The following DNER variants were observed in gnomAD, a reference collection of about 807,000 sequenced individuals.
DNER encodes the protein delta/notch like EGF repeat containing.
DNER carries 33 observed loss-of-function variants against 78.2 expected under a neutral mutation model. That is an observed-to-expected ratio of 0.42 (90% CI 0.32 to 0.56). DNER has a LOEUF of 0.56. Among genes scored for constraint, DNER ranks in the 20% least tolerant of loss-of-function variants. The pLI is 0.11. For synonymous variants in DNER, 417 were observed against 384.8 expected (o/e 1.08, Z -0.98); for missense variants, 918 against 975.3 (o/e 0.94, Z 0.78).
intron 7 of DNER, among the ~76,000 whole-genome samples, chr2:229,457,925 G>A (rs1240528436): frequency 6.6e-6 from 1 of 151,478 alleles, no homozygotes; most frequent in Non-Finnish European, 1.5e-5. Flanking sequence ...ATCACGAGGT[G>A]AGGAGTTCGA....
intron 7 of DNER, among the ~76,000 whole-genome samples, chr2:229,454,116 C>T (rs1294336342): frequency 6.6e-6 from 1 of 152,062 alleles, no homozygotes; most frequent in East Asian, 1.9e-4. Context: ...CCATTCTAGA[C>T]CACTTGACCT....
At chr2:229,563,918 T>C (rs1300300649) in intron 4 of DNER, among the ~76,000 whole-genome samples, 1,160 of 47,190 alleles carry the variant, frequency 0.025, no homozygotes, top group Middle Eastern at 0.062. Context: ...TCATCCTCCT[T>C]ACCCCATCAC....
intron 8 of DNER, among the ~76,000 whole-genome samples, chr2:229,432,894 T>C (rs927341206): frequency 6.6e-6 from 1 of 152,188 alleles, no homozygotes; most frequent in Non-Finnish European, 1.5e-5. Flanking sequence ...CCAAGGAAAA[T>C]GCTACATATA....
At chr2:229,642,771 C>G (rs180870859) in intron 1 of DNER, among the ~76,000 whole-genome samples, 57 of 152,370 alleles carry the variant, frequency 3.7e-4, no homozygotes, top group Middle Eastern at 3.4e-3. Context: ...CAAATCTTCT[C>G]TAGGGTATAA....
At chr2:229,477,910 G>A (rs1471392527) in intron 6 of DNER, among the ~76,000 whole-genome samples, 3 of 152,134 alleles carry the variant, frequency 2.0e-5, no homozygotes, top group South Asian at 2.1e-4. Context: ...ACATAACTAC[G>A]CACATGTGGT....
At chr2:229,426,160 G>C (rs935891072) in intron 8 of DNER, among the ~76,000 whole-genome samples, 26 of 152,082 alleles carry the variant, frequency 1.7e-4, no homozygotes, top group African/African-American at 4.8e-4. Flanking sequence ...AAGATATGGG[G>C]GCCGGGCGCG....
intron 11 of DNER, among the ~76,000 whole-genome samples, chr2:229,379,651 G>A (rs73096291): frequency 0.029 from 4,464 of 152,102 alleles, 97 homozygotes; most frequent in African/African-American, 0.06. Flanking sequence ...TGCCCTAAAG[G>A]CACAAAGTGT....
intron 1 of DNER, among the ~76,000 whole-genome samples, chr2:229,614,288 A>G (rs1009354833): frequency 6.6e-6 from 1 of 152,254 alleles, no homozygotes; most frequent in Admixed American, 6.5e-5. Context: ...CAAGCAAGTT[A>G]GGAGTAAGGC....
At chr2:229,487,758 C>T (rs1194676253) in intron 6 of DNER, among the ~76,000 whole-genome samples, 1 of 152,204 alleles carries the variant, frequency 6.6e-6, no homozygotes, top group East Asian at 1.9e-4. Context: ...AGTTCAGGAA[C>T]AGTTCTTACC....
At position 229,536,402 on chromosome 2, in the gene DNER, T is replaced by G. The variant is rs544176438; in HGVS notation, c.993+10545A>C. Among the ~76,000 whole-genome samples the G allele has an allele frequency of 2.0e-5, 3 of 152,162 alleles. No homozygotes were observed. The East Asian group carries it at 5.8e-4, about 29-fold the overall frequency. ...GAAACACTGGATGAGAGAATGAAAA[T>G]GAATGAATCCTCCAAGGTGATAAGT... On this transcript the variant is annotated intron_variant, in intron 5 of 12. Coordinates refer to ENST00000341772, the MANE Select transcript of DNER (RefSeq NM_139072.4).
chr2:229,707,487 TCTC>T (rs945856455), intron 1 of DNER, among the ~76,000 whole-genome samples: 3 of 152,184 alleles, frequency 2.0e-5, no homozygotes, highest in African/African-American at 7.2e-5. Flanking sequence ...GTGCTTTCCT[TCTC>T]CTAAACACAA....
chr2:229,680,920 T>C (rs568956780), intron 1 of DNER, among the ~76,000 whole-genome samples: 5 of 152,346 alleles, frequency 3.3e-5, no homozygotes, highest in Non-Finnish European at 5.9e-5. Flanking sequence ...TAATTATGGA[T>C]ACTGATGAAG....
intron 10 of DNER, among the ~76,000 whole-genome samples, chr2:229,402,665 T>C (rs1693293330): frequency 6.6e-6 from 1 of 152,214 alleles, no homozygotes; most frequent in African/African-American, 2.4e-5. Flanking sequence ...AATCTTTGGC[T>C]TCCCTGTTGA....
At chr2:229,684,101 A>AGTGTAT (rs1699434464) in intron 1 of DNER, among the ~76,000 whole-genome samples, 1 of 129,924 alleles carries the variant, frequency 7.7e-6, no homozygotes, top group African/African-American at 3.0e-5. Flanking sequence ...TACCTACCAG[A>AGTGTAT]GTGTGTGTGT....
intron 11 of DNER, among the ~76,000 whole-genome samples, chr2:229,383,071 A>T (rs1692780735): frequency 6.6e-6 from 1 of 152,222 alleles, no homozygotes; most frequent in Admixed American, 6.5e-5. Context: ...CTCTCTGCAG[A>T]AACCCTACAA....
At chr2:229,654,911 G>C (rs1185352358) in intron 1 of DNER, among the ~76,000 whole-genome samples, 1 of 151,998 alleles carries the variant, frequency 6.6e-6, no homozygotes, top group African/African-American at 2.4e-5. Context: ...TAGAAGTGTT[G>C]GTTTTATAGT....
chr2:229,525,310 T>G (rs60820419), intron 5 of DNER, among the ~76,000 whole-genome samples: 5,739 of 152,234 alleles, frequency 0.038, 134 homozygotes, highest in Middle Eastern at 0.071. Flanking sequence ...TAGCCTCAAG[T>G]CTAATGCAAA....
intron 1 of DNER, among the ~76,000 whole-genome samples, chr2:229,626,161 C>T (rs1384006819): frequency 6.6e-5 from 10 of 152,134 alleles, no homozygotes; most frequent in Non-Finnish European, 1.2e-4. Flanking sequence ...CCTCGTGATC[C>T]GCCTGCCTCG....
chr2:229,641,105 C>T (rs1418417621), intron 1 of DNER, among the ~76,000 whole-genome samples: 2 of 152,110 alleles, frequency 1.3e-5, no homozygotes, highest in Admixed American at 1.3e-4. Flanking sequence ...AATAAATGAG[C>T]CAGGAGCTGG....
Sources: gnomAD v4.1 joint callset for allele counts (sites outside exome capture counted in the v4.1 genomes callset) on GRCh38, gnomAD v4.1.1 for gene constraint, MANE v1.5 for transcripts, NCBI Gene and HGNC (gene_info 2026-07-23, HGNC 2026-07-21) for gene names.